GUCY1B1: variants seen among roughly 807,000 people sequenced by gnomAD.
The protein encoded by GUCY1B1 is guanylate cyclase soluble subunit beta-1.
Under a neutral mutation model 71.0 loss-of-function variants are expected in GUCY1B1, and 43 were observed. The observed-to-expected ratio is 0.61, with a 90% CI of 0.47 to 0.78. GUCY1B1 has a LOEUF of 0.78. GUCY1B1 is among the 30% of genes least tolerant of loss of function. GUCY1B1 has a pLI of 0.00. For missense variants in GUCY1B1, 535 were observed against 754.1 expected (o/e 0.71, Z 3.40); for synonymous variants, 266 against 259.7 (o/e 1.02, Z -0.23).
At chr4:155,804,310 A>G (rs558840668) in intron 11 of GUCY1B1, among the ~76,000 whole-genome samples, 1 of 152,310 alleles carries the variant, frequency 6.6e-6, no homozygotes, top group Admixed American at 6.5e-5. Context: ...GGAGCTGAAC[A>G]ATGAGAACAC....
chr4:155,801,604 A>C (rs761482669), intron 9 of GUCY1B1, among the ~76,000 whole-genome samples: 11 of 152,176 alleles, frequency 7.2e-5, no homozygotes, highest in African/African-American at 9.7e-5. Flanking sequence ...AGCAAAAGGC[A>C]GGAAGAAAAA....
At chr4:155,786,188 A>G (rs1738751367) in intron 4 of GUCY1B1, among the ~76,000 whole-genome samples, 1 of 152,014 alleles carries the variant, frequency 6.6e-6, no homozygotes, top group Non-Finnish European at 1.5e-5. Context: ...GCACATTGGT[A>G]CATTGATTTA....
Position 155,791,464 on chromosome 4 carries a change from CT to C in GUCY1B1, c.495+1554del, listed in dbSNP as rs569763021. On this transcript the variant is annotated intron_variant, in intron 5 of 13. Coordinates refer to ENST00000264424, the MANE Select transcript of GUCY1B1 (RefSeq NM_000857.5). The stretch of plus-strand genomic sequence containing the variant: ...TAACAGTATCGCCTGGGCGCAGTGG[CT>C]CACGCCTGTAATCCTAGCACTTTGG... Among the ~76,000 whole-genome samples, 145 of 146,202 alleles carry C rather than the reference CT, an allele frequency of 9.9e-4. 1 individual carries two copies. Among genetic ancestry groups the C allele is most frequent in the Middle Eastern group, 3.4e-3 (1 of 292 alleles).
rs376056465 is a variant in GUCY1B1, at chr4:155,802,605, A to G, written c.1413+26A>G. The stretch of plus-strand genomic sequence containing the variant: ...GCAAGTGTTCTTTATCGCTGACTGC[A>G]GAGCTATCCAGAGGCTGGCGTTCTG... On this transcript the variant is annotated intron_variant, in intron 10 of 13. Transcript: ENST00000264424. The surrounding 1 kb of genome is among the most constrained non-coding windows in gnomAD (Gnocchi z 4.3). 1 of 1,524,478 alleles carries G rather than the reference A, an allele frequency of 6.6e-7. No homozygotes were observed. The highest frequency in any genetic ancestry group is 8.8e-7 in the Non-Finnish European group (1 of 1,134,418). The allele number at this position is 1,524,478 out of a possible 1,614,324, so 94.4% of individuals were successfully genotyped here.
At chr4:155,786,868 C>A (rs1350779125) in intron 4 of GUCY1B1, among the ~76,000 whole-genome samples, 1 of 152,030 alleles carries the variant, frequency 6.6e-6, no homozygotes, top group Non-Finnish European at 1.5e-5. Flanking sequence ...CTCCGCCTCC[C>A]AAAGTGCTGG....
At position 155,777,645 on chromosome 4, in the gene GUCY1B1, A is replaced by G; in HGVS notation, c.297+3A>G. 3.5e-6 allele frequency: 5 copies of G among 1,410,344 alleles called. No homozygotes were observed. Among genetic ancestry groups the G allele is most frequent in the Non-Finnish European group, 5.0e-6 (5 of 994,200 alleles). The allele number at this position is 1,410,344 out of a possible 1,614,324, so 87.4% of individuals were successfully genotyped here. On this transcript the variant is annotated splice_donor_region_variant and intron_variant, in intron 4 of 13. Transcript: ENST00000264424. ...CTAATGTCAGAGAATTTCTACAGGT[A>G]AGCAATTTGAGGTCCTATAGTTAAA...
intron 13 of GUCY1B1, 72 bp downstream of exon 13, chr4:155,805,301 T>C (rs1740243355): frequency 3.3e-6 from 4 of 1,197,824 alleles, no homozygotes; most frequent in Non-Finnish European, 3.5e-6. Context: ...GCAAAATCAC[T>C]GAAAATGTAT....
Position 155,806,632 on chromosome 4 carries a change from T to C in GUCY1B1, c.*223T>C, listed in dbSNP as rs932851732. 6.8e-6 allele frequency: 3 copies of C among 442,420 alleles called. No homozygotes were observed. Among genetic ancestry groups the C allele is most frequent in the Admixed American group, 3.9e-5 (1 of 25,688 alleles). 27.4% of individuals were successfully genotyped at this position (442,420 alleles called of 1,614,324 possible). On this transcript the variant is annotated 3_prime_UTR_variant, in exon 14 of 14. Transcript: ENST00000264424. The stretch of plus-strand genomic sequence containing the variant: ...TTAGTATATTATCTAAAGTTTGGCT[T>C]TTGATGTGGATGATGTGAGCTTCAT...
At chr4:155,789,591 T>C in intron 4 of GUCY1B1, 123 bp from the exon 5 acceptor site, 1 of 575,418 alleles carries the variant, frequency 1.7e-6, no homozygotes, top group South Asian at 2.5e-5. Context: ...ATGTGCTACA[T>C]GTGCTGCTTC....
chr4:155,768,266 A>T (rs1737472050), intron 2 of GUCY1B1, among the ~76,000 whole-genome samples: 1 of 152,172 alleles, frequency 6.6e-6, no homozygotes, highest in African/African-American at 2.4e-5. Flanking sequence ...GGGTCAGAAT[A>T]TGAATTCAGT....
rs185692708 is a variant in GUCY1B1, at chr4:155,771,902, T to G, written c.78-3066T>G. On this transcript the variant is annotated intron_variant, in intron 2 of 13. Coordinates refer to ENST00000264424, the MANE Select transcript of GUCY1B1 (RefSeq NM_000857.5). The stretch of plus-strand genomic sequence containing the variant: ...CATCAAATATTCACTCAAATGGGTT[T>G]TAAAGCAGTATGTTCTATATATAAG... 4.0e-3 allele frequency among the ~76,000 whole-genome samples: 615 copies of G among 152,308 alleles called. 6 individuals are homozygous for G. Among genetic ancestry groups the G allele is most frequent in the African/African-American group, 0.014 (586 of 41,574 alleles).
At chr4:155,790,684 A>AGTTCTTT (rs1739095890) in intron 5 of GUCY1B1, among the ~76,000 whole-genome samples, 1 of 152,208 alleles carries the variant, frequency 6.6e-6, no homozygotes, top group Non-Finnish European at 1.5e-5. Flanking sequence ...TTTATAGAAA[A>AGTTCTTT]CCTATTAGAC....
At chr4:155,774,256 G>A (rs534290240) in intron 2 of GUCY1B1, among the ~76,000 whole-genome samples, 9 of 152,144 alleles carry the variant, frequency 5.9e-5, no homozygotes, top group Non-Finnish European at 1.3e-4. Context: ...CCCCTCCTCT[G>A]TTCCAGCCAC....
chr4:155,772,507 G>A (rs1200908932), intron 2 of GUCY1B1: 17 of 485,250 alleles, frequency 3.5e-5, no homozygotes, highest in Non-Finnish European at 5.6e-5. Context: ...CTCAACTCCC[G>A]AGGCTCAAGC....
chr4:155,776,443 G>A (rs909150720), intron 3 of GUCY1B1, among the ~76,000 whole-genome samples: 1 of 152,112 alleles, frequency 6.6e-6, no homozygotes, highest in Non-Finnish European at 1.5e-5. Flanking sequence ...GCCGAGGTGG[G>A]TGGATCACTT....
rs1579177821 is a variant in GUCY1B1 at position 155,759,841 on chromosome 4, G to T, written c.58G>T (p.Glu20Ter). 1 of 1,612,884 alleles carries T rather than the reference G, an allele frequency of 6.2e-7. No individual in the cohort carries two copies. Among genetic ancestry groups the T allele is most frequent in the Non-Finnish European group, 8.5e-7 (1 of 1,179,208 alleles). Residue 20 changes from glutamate to a stop codon, truncating the protein, a stop_gained, in exon 2 of 14, where the codon GAG becomes TAG. Transcript: ENST00000264424. LOFTEE classifies it high-confidence loss of function. ...ELLVIRNYGP[E>*]VWEDIKKEAQ... is the part of the protein sequence containing the mutation. ...GCTGGTGATCCGCAATTACGGCCCC[G>T]AGGTGTGGGAAGACATCAAGTAAGT...
At position 155,805,214 on chromosome 4, in the gene GUCY1B1, A is replaced by G; in HGVS notation, c.1821A>G (p.Lys607=). The G allele has an allele frequency of 6.2e-7, 1 of 1,610,014 alleles. No individual in the cohort carries two copies. The highest frequency in any genetic ancestry group is 8.5e-7 in the Non-Finnish European group (1 of 1,177,644). The change falls in exon 13 of 14, where the codon AAA becomes AAG. Residue 607 remains lysine, a synonymous_variant. Coordinates refer to ENST00000264424, the MANE Select transcript of GUCY1B1 (RefSeq NM_000857.5). ...TGCAAGTTTGGTTTCTATCCAGAAA[A>G]AATACAGGAACAGAGGTATGACTAA... ...EPMQVWFLSR[K]NTGTEETKQD... is the part of the protein sequence containing the mutation.
chr4:155,775,895 G>A (rs1217216297), intron 3 of GUCY1B1, among the ~76,000 whole-genome samples: 1 of 152,136 alleles, frequency 6.6e-6, no homozygotes, highest in Non-Finnish European at 1.5e-5. Context: ...ATTTTTAACT[G>A]GGCTATAGTT....
intron 5 of GUCY1B1, among the ~76,000 whole-genome samples, chr4:155,791,301 G>A (rs1041389425): frequency 8.6e-5 from 13 of 151,020 alleles, no homozygotes; most frequent in Non-Finnish European, 1.8e-4. Flanking sequence ...ATTTTTAGTA[G>A]AGACGGGGTT....
Sources: gnomAD v4.1 joint callset for allele counts (sites outside exome capture counted in the v4.1 genomes callset) on GRCh38, gnomAD v4.1.1 for gene constraint, Gnocchi (gnomAD v3.1) non-coding constraint, MANE v1.5 for transcripts, NCBI Gene and HGNC (gene_info 2026-07-23, HGNC 2026-07-21) for gene names.